Variants in TMED8 observed in about 807,000 individuals in gnomAD.
TMED8 encodes transmembrane p24 trafficking protein family member 8, also known as protein TMED8.
TMED8 carries 15 observed loss-of-function variants against 32.7 expected under a neutral mutation model. That is an observed-to-expected ratio of 0.46 (90% CI 0.31 to 0.71). TMED8 has a LOEUF of 0.71. TMED8 is among the 30% of genes least tolerant of loss of function. The pLI is 0.06. For synonymous variants in TMED8, 147 were observed against 161.4 expected, an observed-to-expected ratio of 0.91 and a Z score of 0.68; for missense variants, 390 against 423.9, an observed-to-expected ratio of 0.92 and a Z score of 0.70.
chr14:77,360,608 C>T (rs549367630), intron 1 of TMED8, among the ~76,000 whole-genome samples: 2 of 152,264 alleles, frequency 1.3e-5, no homozygotes, highest in Non-Finnish European at 2.9e-5. Context: ...TGTCTGTCAA[C>T]GGACACATAG....
rs11297608 is a variant in TMED8, at chr14:77,345,659, CAAAAAAAAAA to C, written c.327+680_327+689del. 1.5e-3 allele frequency among the ~76,000 whole-genome samples: 151 copies of C among 103,224 alleles called. 1 individual carries two copies. Among genetic ancestry groups the C allele is most frequent in the African/African-American group, 2.9e-3 (81 of 27,756 alleles). The allele number at this position is 103,224 out of a possible 152,430, so 67.7% of individuals were successfully genotyped here. ...GGGTGACAGAGTGAGACCTTTGTCT[CAAAAAAAAAA>C]AAAAAAAAAAAAAATCAAGGCCAGG... On this transcript the variant is annotated intron_variant, in intron 3 of 5. Coordinates refer to ENST00000216468, the MANE Select transcript of TMED8 (RefSeq NM_213601.3).
chr14:77,341,670 C>T lies in TMED8; in HGVS notation c.*101G>A, dbSNP rs951895710. On this transcript the variant is annotated 3_prime_UTR_variant, in exon 6 of 6. Transcript: ENST00000216468. ...CCAGACAGGGTGTGAGGCTCAGCAG[C>T]CCCCCATGAACCTTTGGCTCTTGCC... The T allele has an allele frequency of 2.0e-5, 23 of 1,160,124 alleles. No homozygotes were observed. The highest frequency in any genetic ancestry group is 2.9e-5 in the Non-Finnish European group (23 of 791,616). 71.9% of individuals were successfully genotyped at this position (1,160,124 alleles called of 1,614,324 possible). A position where few individuals can be genotyped will look rare whatever the true frequency, so the allele number is the denominator to read the frequency against.
intron 1 of TMED8, among the ~76,000 whole-genome samples, chr14:77,373,376 T>C (rs934809653): frequency 1.3e-5 from 2 of 151,880 alleles, no homozygotes; most frequent in Non-Finnish European, 2.9e-5. Flanking sequence ...GATAGTTTCA[T>C]AATTAAAGAA....
intron 1 of TMED8, among the ~76,000 whole-genome samples, chr14:77,352,725 C>A (rs144859204): frequency 0.018 from 2,718 of 152,038 alleles, 46 homozygotes; most frequent in Middle Eastern, 0.078. Flanking sequence ...GGCGACAGAG[C>A]GAGACTCCAA....
At chr14:77,362,911 A>T (rs1893470352) in intron 1 of TMED8, among the ~76,000 whole-genome samples, 1 of 152,254 alleles carries the variant, frequency 6.6e-6, no homozygotes, top group African/African-American at 2.4e-5. Context: ...GGGTCAAGCC[A>T]TCAAGAGGAC....
At chr14:77,351,401 C>T (rs1006798570) in intron 2 of TMED8, among the ~76,000 whole-genome samples, 15 of 147,724 alleles carry the variant, frequency 1.0e-4, no homozygotes, top group Non-Finnish European at 1.8e-4. Context: ...CTGGCCACCA[C>T]GCCCCGCTAA....
chr14:77,342,703 T>C (rs1006122544), intron 5 of TMED8, among the ~76,000 whole-genome samples: 18 of 152,226 alleles, frequency 1.2e-4, no homozygotes, highest in Admixed American at 3.3e-4. Flanking sequence ...TTAAAACTTG[T>C]CTGGGCATGA....
intron 2 of TMED8, among the ~76,000 whole-genome samples, chr14:77,346,811 A>G (rs1382506570): frequency 3.9e-5 from 1 of 25,832 alleles, no homozygotes; most frequent in Non-Finnish European, 8.7e-5. Context: ...TTATTTATTT[A>G]TTTTAGTTGA....
chr14:77,356,730 T>C (rs1364091146), intron 1 of TMED8, among the ~76,000 whole-genome samples: 2 of 152,232 alleles, frequency 1.3e-5, no homozygotes, highest in Admixed American at 6.5e-5. Flanking sequence ...AATTTCTTCT[T>C]AGGAGCTGGT....
At position 77,377,079 on chromosome 14, in the gene TMED8, G is replaced by A. The variant is rs1271371699; in HGVS notation, c.-26C>T. On this transcript the variant is annotated 5_prime_UTR_variant, in exon 1 of 6. Coordinates refer to ENST00000216468, the MANE Select transcript of TMED8 (RefSeq NM_213601.3). ...CTGCAGCCCGCGCACGGAGCTCTCC[G>A]CTGCCAGCCGCGAGTGGCTCCGGAA... The A allele has an allele frequency of 3.3e-5, 43 of 1,315,792 alleles. No individual in the cohort carries two copies. Among genetic ancestry groups the A allele is most frequent in the South Asian group, 3.7e-5 (2 of 54,294 alleles). 81.5% of individuals were successfully genotyped at this position (1,315,792 alleles called of 1,614,324 possible).
In TMED8 at chr14:77,376,063, C is replaced by T. The variant is rs1893807621; in HGVS notation, c.118+873G>A. On this transcript the variant is annotated intron_variant, in intron 1 of 5. Transcript: ENST00000216468. This position sits in a 1 kb window ranked among gnomAD's most constrained non-coding sequence, Gnocchi z 4.0. ...ATTTATATTTGCTACTTAAATAAGA[C>T]AAGTTCTCTCCCCTCTACCCTTTCG... is the stretch of plus-strand genomic sequence containing the variant. 6.6e-6 allele frequency among the ~76,000 whole-genome samples: 1 copy of T among 152,194 alleles called. No homozygotes were observed. Among genetic ancestry groups the T allele is most frequent in the Non-Finnish European group, 1.5e-5 (1 of 68,034 alleles).
chr14:77,375,617 A>G (rs1326733928), intron 1 of TMED8, among the ~76,000 whole-genome samples: 1 of 152,232 alleles, frequency 6.6e-6, no homozygotes, highest in African/African-American at 2.4e-5. Flanking sequence ...TTTTAAAGTA[A>G]AAGAATATAA....
At chr14:77,352,814 G>C (rs1286802983) in intron 1 of TMED8, among the ~76,000 whole-genome samples, 1 of 152,118 alleles carries the variant, frequency 6.6e-6, no homozygotes, top group Non-Finnish European at 1.5e-5. Context: ...AGAACATAGA[G>C]GGCAGAGTGG....
chr14:77,363,668 T>C (rs978681128), intron 1 of TMED8, among the ~76,000 whole-genome samples: 1 of 151,742 alleles, frequency 6.6e-6, no homozygotes, highest in African/African-American at 2.4e-5. Flanking sequence ...ATAATAATCA[T>C]AATAATAGTA....
intron 1 of TMED8, among the ~76,000 whole-genome samples, chr14:77,373,072 T>A (rs1439858323): frequency 6.8e-6 from 1 of 146,104 alleles, no homozygotes; most frequent in African/African-American, 2.5e-5. Context: ...TTCAAGTGAT[T>A]CTCCTGCCTC....
chr14:77,364,159 C>T (rs1401504207), intron 1 of TMED8, among the ~76,000 whole-genome samples: 1 of 152,156 alleles, frequency 6.6e-6, no homozygotes, highest in Non-Finnish European at 1.5e-5. Context: ...TTAATTTGCA[C>T]TTCTCTTATC....
At chr14:77,361,755 T>C (rs1356476547) in intron 1 of TMED8, among the ~76,000 whole-genome samples, 3 of 152,216 alleles carry the variant, frequency 2.0e-5, no homozygotes, top group East Asian at 1.9e-4. Flanking sequence ...CAGTGTTTTA[T>C]AGTCTTAAGT....
chr14:77,362,947 T>G (rs943053668), intron 1 of TMED8, among the ~76,000 whole-genome samples: 1 of 152,110 alleles, frequency 6.6e-6, no homozygotes, highest in Non-Finnish European at 1.5e-5. Context: ...ACATATGCAC[T>G]CAACATCAGA....
chr14:77,357,490 C>A (rs1323257107), intron 1 of TMED8, among the ~76,000 whole-genome samples: 1 of 152,170 alleles, frequency 6.6e-6, no homozygotes, highest in East Asian at 1.9e-4. Flanking sequence ...TTCCCCTCAT[C>A]AACTATTTGG....
Sources: gnomAD v4.1 joint callset for allele counts (sites outside exome capture counted in the v4.1 genomes callset) on GRCh38, gnomAD v4.1.1 for gene constraint, Gnocchi (gnomAD v3.1) non-coding constraint, MANE v1.5 for transcripts, NCBI Gene and HGNC (gene_info 2026-07-23, HGNC 2026-07-21) for gene names.